Variants in ERBB4 observed in about 807,000 individuals in gnomAD.
ERBB4 encodes erb-b2 receptor tyrosine kinase 4.
Under a neutral mutation model 158.0 loss-of-function variants are expected in ERBB4, and 42 were observed. The observed-to-expected ratio is 0.27, with a 90% CI of 0.21 to 0.34. The LOEUF (loss-of-function observed/expected upper bound fraction) is 0.34. Among genes scored for constraint, ERBB4 ranks in the 10% least tolerant of loss-of-function variants. The probability of loss-of-function intolerance (pLI) is 1.00; values close to 1 mark genes in which losing one functional copy is unlikely to be tolerated. For synonymous variants in ERBB4, 583 were observed against 558.7 expected (o/e 1.04, Z -0.61); for missense variants, 1,333 against 1,624.1 (o/e 0.82, Z 3.08).
chr2:211,629,840 C>T (rs1475761621), intron 17 of ERBB4, among the ~76,000 whole-genome samples: 1 of 152,080 alleles, frequency 6.6e-6, no homozygotes, highest in Non-Finnish European at 1.5e-5. Flanking sequence ...AACTGGCTAG[C>T]CATATGTAGA....
chr2:211,611,480 G>A (rs538958138), intron 19 of ERBB4, among the ~76,000 whole-genome samples: 6 of 140,372 alleles, frequency 4.3e-5, no homozygotes, highest in Non-Finnish European at 6.0e-5. Flanking sequence ...CTTTAGGTCC[G>A]CACGTTGCTC....
chr2:211,934,710 G>A (rs2080265049), intron 3 of ERBB4, among the ~76,000 whole-genome samples: 1 of 151,614 alleles, frequency 6.6e-6, no homozygotes, highest in Admixed American at 6.6e-5. Flanking sequence ...TAAAGAAAAG[G>A]CTATGAAGTC....
chr2:212,451,849 G>A (rs972491), intron 1 of ERBB4, among the ~76,000 whole-genome samples: 89,471 of 151,832 alleles, frequency 0.59, 27,705 homozygotes, highest in African/African-American at 0.76. Flanking sequence ...GCTACAGGGC[G>A]CAGCTATTCA....
rs533083543 is a variant in ERBB4 at position 212,345,282 on chromosome 2, T to G, written c.82+193167A>C. On this transcript the variant is annotated intron_variant, in intron 1 of 27. Coordinates refer to ENST00000342788, the MANE Select transcript of ERBB4 (RefSeq NM_005235.3). ...CTCCGTCTCAAAAAAAAAAAAGCACTAAACACATTGCCTAGCATGTAGTGA... is the reference window on the plus strand; with the variant it reads ...CTCCGTCTCAAAAAAAAAAAAGCACGAAACACATTGCCTAGCATGTAGTGA... Among the ~76,000 whole-genome samples the G allele has an allele frequency of 7.5e-5, 5 of 66,634 alleles. No individual in the cohort carries two copies. The Admixed American group carries it at 7.6e-4, about 10-fold the overall frequency. The allele number at this position is 66,634 out of a possible 152,430, so 43.7% of individuals were successfully genotyped here.
chr2:212,210,558 G>A (rs2082903363), intron 1 of ERBB4, among the ~76,000 whole-genome samples: 1 of 152,078 alleles, frequency 6.6e-6, no homozygotes, highest in Non-Finnish European at 1.5e-5. Context: ...AGAAATAGAT[G>A]ATCCAAAAGT....
At chr2:212,249,536 G>A (rs1370010222) in intron 1 of ERBB4, among the ~76,000 whole-genome samples, 2 of 151,510 alleles carry the variant, frequency 1.3e-5, no homozygotes, top group African/African-American at 4.9e-5. Flanking sequence ...AGAACAGTAA[G>A]GCAATAAACT....
chr2:211,902,214 G>GA (rs1423420328), intron 3 of ERBB4, among the ~76,000 whole-genome samples: 1 of 151,660 alleles, frequency 6.6e-6, no homozygotes, highest in East Asian at 1.9e-4. Flanking sequence ...ACTATTTTGC[G>GA]AAAAAACAAA....
At chr2:212,415,279 T>G (rs918193348) in intron 1 of ERBB4, among the ~76,000 whole-genome samples, 5 of 152,166 alleles carry the variant, frequency 3.3e-5, no homozygotes, top group African/African-American at 9.7e-5. Flanking sequence ...AGTTTAGAGA[T>G]TATTCCTTGT....
intron 3 of ERBB4, among the ~76,000 whole-genome samples, chr2:211,870,295 C>T (rs948094147): frequency 6.6e-6 from 1 of 152,088 alleles, no homozygotes; most frequent in African/African-American, 2.4e-5. Context: ...ACAATTCCTT[C>T]ATAAAAGTGA....
chr2:212,191,037 T>A (rs2125709530), intron 1 of ERBB4, among the ~76,000 whole-genome samples: 1 of 151,956 alleles, frequency 6.6e-6, no homozygotes. Flanking sequence ...TAAGGGCATT[T>A]TTTTTTTTTT....
chr2:212,308,107 G>A (rs993294664), intron 1 of ERBB4, among the ~76,000 whole-genome samples: 1 of 151,072 alleles, frequency 6.6e-6, no homozygotes, highest in Non-Finnish European at 1.5e-5. Flanking sequence ...GAGCTCAGAT[G>A]AGAGTTGTCT....
At chr2:211,567,516 G>A (rs917420011) in intron 19 of ERBB4, among the ~76,000 whole-genome samples, 1 of 152,076 alleles carries the variant, frequency 6.6e-6, no homozygotes, top group African/African-American at 2.4e-5. Flanking sequence ...TATTTATTAA[G>A]GTAAAGAGAA....
intron 20 of ERBB4, among the ~76,000 whole-genome samples, chr2:211,540,067 T>C (rs911019642): frequency 1.3e-5 from 2 of 151,910 alleles, no homozygotes; most frequent in African/African-American, 4.8e-5. Flanking sequence ...CTTGATGATA[T>C]TGCTGCCATC....
intron 2 of ERBB4, among the ~76,000 whole-genome samples, chr2:211,954,349 T>C (rs1437755506): frequency 5.3e-5 from 8 of 152,106 alleles, no homozygotes; most frequent in East Asian, 1.9e-4. Context: ...GATTTTTTCC[T>C]ACTAAAATTA....
intron 1 of ERBB4, among the ~76,000 whole-genome samples, chr2:212,393,750 G>T (rs1177863243): frequency 6.6e-6 from 1 of 152,076 alleles, no homozygotes; most frequent in Non-Finnish European, 1.5e-5. Flanking sequence ...TAAAAATGTT[G>T]CTGTGGCAGA....
intron 1 of ERBB4, among the ~76,000 whole-genome samples, chr2:212,192,042 A>AAGT (rs2082276376): frequency 3.5e-4 from 17 of 48,798 alleles, no homozygotes; most frequent in Admixed American, 9.2e-4. Context: ...TATATGTTAT[A>AAGT]TATATGTTAT....
At chr2:211,384,730 GTATAAT>G (rs1405695439) in intron 27 of ERBB4, among the ~76,000 whole-genome samples, 1 of 152,068 alleles carries the variant, frequency 6.6e-6, no homozygotes, top group Non-Finnish European at 1.5e-5. Context: ...TAATAGTAAA[GTATAAT>G]TATAATATTT....
chr2:211,938,214 G>A (rs553705059), intron 3 of ERBB4, among the ~76,000 whole-genome samples: 1 of 152,130 alleles, frequency 6.6e-6, no homozygotes, highest in South Asian at 2.1e-4. Flanking sequence ...TGTTCAATAT[G>A]TACTTGATAA....
intron 3 of ERBB4, among the ~76,000 whole-genome samples, chr2:211,839,099 G>A (rs563998885): frequency 7.8e-5 from 11 of 141,486 alleles, no homozygotes; most frequent in African/African-American, 2.6e-4. Flanking sequence ...AAACAAAGAA[G>A]CAAAATATTG....
Sources: gnomAD v4.1 joint callset for allele counts (sites outside exome capture counted in the v4.1 genomes callset) on GRCh38, gnomAD v4.1.1 for gene constraint, MANE v1.5 for transcripts, NCBI Gene and HGNC (gene_info 2026-07-23, HGNC 2026-07-21) for gene names.